Variants in NEFH observed in about 807,000 individuals in gnomAD.
NEFH encodes the protein neurofilament heavy polypeptide.
NEFH carries 58 observed loss-of-function variants against 56.6 expected under a neutral mutation model. That is an observed-to-expected ratio of 1.03 (90% CI 0.83 to 1.28). NEFH has a LOEUF of 1.28. Ranked by LOEUF, NEFH falls within the 50% of genes most tolerant of loss-of-function variation. The pLI is 0.00. For synonymous variants in NEFH, 542 were observed against 545.8 expected (o/e 0.99, Z 0.10); for missense variants, 1,221 against 1,307.6 (o/e 0.93, Z 1.02).
chr22:29,483,929 A>G (rs112922272), intron 2 of NEFH, among the ~76,000 whole-genome samples: 65 of 152,042 alleles, frequency 4.3e-4, no homozygotes, highest in African/African-American at 1.5e-3. Context: ...AGCTCACTGC[A>G]ACCTCTGCCT....
intron 3 of NEFH, among the ~76,000 whole-genome samples, chr22:29,486,723 A>G (rs1353085937): frequency 1.3e-5 from 2 of 151,890 alleles, no homozygotes; most frequent in Non-Finnish European, 2.9e-5. Context: ...GGGTCTCGCT[A>G]TGTTGGCCAG....
At position 29,486,520 on chromosome 22, in the gene NEFH, T is replaced by A. The variant is rs1211780123; in HGVS notation, c.1208+673T>A. Among the ~76,000 whole-genome samples the A allele has an allele frequency of 1.0e-4, 4 of 39,568 alleles. No individual in the cohort carries two copies. In the East Asian group the frequency reaches 2.9e-3, roughly 28 times the overall value. The allele number at this position is 39,568 out of a possible 152,430, so 26.0% of individuals were successfully genotyped here. A position where few individuals can be genotyped will look rare whatever the true frequency, so the allele number is the denominator to read the frequency against. On this transcript the variant is annotated intron_variant, in intron 3 of 3. Coordinates refer to ENST00000310624, the MANE Select transcript of NEFH (RefSeq NM_021076.4). ...TCTTTTACTCTGAGAGACATGAGTCTTTTTTTTTTTTTTTTTTTTTGAGAT... is the reference window on the plus strand; with the variant it reads ...TCTTTTACTCTGAGAGACATGAGTCATTTTTTTTTTTTTTTTTTTTGAGAT...
At chr22:29,483,329 C>T in intron 1 of NEFH, 46 bp from the exon 2 acceptor site, 2 of 1,559,686 alleles carry the variant, frequency 1.3e-6, no homozygotes, top group South Asian at 2.3e-5. Flanking sequence ...CATTAGAACC[C>T]AGTCCAGGTG....
chr22:29,480,831 G>C lies in NEFH; in HGVS notation c.569G>C (p.Arg190Pro), dbSNP rs1000283807. The change falls in exon 1 of 4, where the codon CGG (arginine) becomes CCG (proline). Residue 190 changes from arginine (R) to proline (P), a missense_variant. Arg to Pro is a moderately radical substitution (Grantham distance 103). This residue lies in a region of NEFH where 640 missense variants were observed against 555.5 expected (regional missense o/e 1.15). Transcript: ENST00000310624. ...HVRQRLDDEA[R>P]QREEAEAAAR... ...CGCCAGCGCCTAGACGACGAGGCCC[G>C]GCAGCGAGAGGAGGCCGAGGCGGCG... The C allele has an allele frequency of 1.4e-6, 2 of 1,392,844 alleles. No homozygotes were observed. Among genetic ancestry groups the C allele is most frequent in the Non-Finnish European group, 9.2e-7 (1 of 1,085,446 alleles). 86.3% of individuals were successfully genotyped at this position (1,392,844 alleles called of 1,614,324 possible).
rs140814097 is a variant in NEFH at position 29,483,827 on chromosome 22, T to TTTTATTTA, written c.1083+285_1083+292dup. Among the ~76,000 whole-genome samples, 9,879 of 136,424 alleles carry TTTTATTTA rather than the reference T, an allele frequency of 0.072. 437 individuals carry two copies. The highest frequency in any genetic ancestry group is 0.1 in the African/African-American group (3,626 of 36,084). The allele number at this position is 136,424 out of a possible 152,430, so 89.5% of individuals were successfully genotyped here. On this transcript the variant is annotated intron_variant, in intron 2 of 3. Transcript: ENST00000310624. ...AGCTGGAAAGATTAAAGAGATAGACTTTTATTTATTTATTTATTTATTTAT... is the reference window on the plus strand; with the variant it reads ...AGCTGGAAAGATTAAAGAGATAGACTTTTATTTATTTATTTATTTATTTATTTATTTAT...
rs1569194313 is a variant in NEFH at position 29,480,711 on chromosome 22, T to G, written c.449T>G (p.Val150Gly). Residue 150 changes from valine (V) to glycine (G), a missense_variant, in exon 1 of 4, where the codon GTC becomes GGC. Coordinates refer to ENST00000310624, the MANE Select transcript of NEFH (RefSeq NM_021076.4). ...ATGGGCGAGCTGTACGAGCGCGAGG[T>G]CCGCGAGATGCGCGGCGCGGTGCTG... ...SAMGELYERE[V>G]REMRGAVLRL... 2.0e-6 allele frequency: 3 copies of G among 1,517,182 alleles called. No homozygotes were observed. The highest frequency in any genetic ancestry group is 2.6e-6 in the Non-Finnish European group (3 of 1,140,966). 94.0% of individuals were successfully genotyped at this position (1,517,182 alleles called of 1,614,324 possible).
chr22:29,480,276 G>C lies in NEFH; in HGVS notation c.14G>C (p.Gly5Ala), dbSNP rs1036422771. MMSF[G>A]GADALLGAPF... ...CCTGCTCAGGCCATGATGAGCTTCG[G>C]CGGCGCGGACGCGCTGCTGGGCGCC... Residue 5 changes from glycine to alanine, a missense_variant, in exon 1 of 4, where the codon GGC becomes GCC. Physicochemically the swap from Gly to Ala is moderately conservative, Grantham distance 60. Coordinates refer to ENST00000310624, the MANE Select transcript of NEFH (RefSeq NM_021076.4). 1.5e-5 allele frequency: 23 copies of C among 1,510,368 alleles called. No homozygotes were observed. The African/African-American group carries it at 2.9e-4, about 19-fold the overall frequency. 93.6% of individuals were successfully genotyped at this position (1,510,368 alleles called of 1,614,324 possible). A position where few individuals can be genotyped will look rare whatever the true frequency, so the allele number is the denominator to read the frequency against.
Position 29,480,605 on chromosome 22 carries a change from G to A in NEFH, c.343G>A (p.Val115Met). The A allele has an allele frequency of 1.3e-6, 2 of 1,563,904 alleles. No individual in the cohort carries two copies. Among genetic ancestry groups the A allele is most frequent in the Non-Finnish European group, 1.7e-6 (2 of 1,164,170 alleles). Reference sequence around the variant, plus strand: ...CCGCTTCGCCGGGTACATCGACAAGGTGCGGCAGCTGGAGGCGCACAACCG... The same window carrying A: ...CCGCTTCGCCGGGTACATCGACAAGATGCGGCAGCTGGAGGCGCACAACCG... The part of the protein sequence containing the change: ...NDRFAGYIDK[V>M]RQLEAHNRSL... The change falls in exon 1 of 4, where the codon GTG becomes ATG. Residue 115 changes from valine (V) to methionine (M), a missense_variant. Val to Met is a conservative substitution (Grantham distance 21, BLOSUM62 1). Transcript: ENST00000310624.
intron 1 of NEFH, among the ~76,000 whole-genome samples, chr22:29,481,763 C>T (rs2063012327): frequency 6.6e-6 from 1 of 152,178 alleles, no homozygotes; most frequent in Non-Finnish European, 1.5e-5. Flanking sequence ...CTGGTGGGCC[C>T]TTTCATGTTT....
rs1056259757 is a variant in NEFH at position 29,481,075 on chromosome 22, G to A, written c.813G>A (p.Leu271=). 2 of 1,532,234 alleles carry A rather than the reference G, an allele frequency of 1.3e-6. No individual in the cohort carries two copies. The highest frequency in any genetic ancestry group is 3.9e-5 in the Admixed American group (2 of 50,928). 94.9% of individuals were successfully genotyped at this position (1,532,234 alleles called of 1,614,324 possible). ...TGAAGTGCGACGTGACGTCGGCGCT[G>A]CGCGAGATTCGCGCGCAGCTTGAAG... The part of the protein sequence containing the change: ...DALKCDVTSA[L]REIRAQLEGH... Residue 271 remains leucine (L), a synonymous_variant, in exon 1 of 4, where the codon CTG becomes CTA. Coordinates refer to ENST00000310624, the MANE Select transcript of NEFH (RefSeq NM_021076.4).
Position 29,489,678 on chromosome 22 carries a change from G to A in NEFH, c.2038G>A (p.Ala680Thr), listed in dbSNP as rs1211744285. The change falls in exon 4 of 4, where the codon GCC becomes ACC. Residue 680 changes from alanine (A) to threonine (T), a missense_variant. Around this residue, in one of 4 missense-constraint regions of NEFH, gnomAD observed 37 missense variants for 106.4 expected, o/e 0.35. Transcript: ENST00000310624. ...VKAEAKSPEK[A>T]KSPVKAEAKS... is the part of the protein sequence containing the mutation. ...GGCAGAAGCAAAGTCCCCTGAGAAG[G>A]CCAAGTCCCCAGTGAAGGCAGAAGC... 2 of 1,612,424 alleles carry A rather than the reference G, an allele frequency of 1.2e-6. No individual in the cohort carries two copies. The highest frequency in any genetic ancestry group is 1.3e-5 in the African/African-American group (1 of 74,422).
At position 29,490,498 on chromosome 22, in the gene NEFH, A is replaced by AG. The variant is rs2063074831; in HGVS notation, c.2859dup (p.Lys954GlufsTer13). ...GCAGAGAAGAAGGAGGCAGCACCGG[A>AG]GAAAAAAGACACCAAGGAGGAGAAG... On this transcript the variant is annotated frameshift_variant, in exon 4 of 4. Transcript: ENST00000310624. LOFTEE classifies it high-confidence loss of function. The AG allele has an allele frequency of 6.3e-7, 1 of 1,589,282 alleles. No homozygotes were observed. The highest frequency in any genetic ancestry group is 8.5e-7 in the Non-Finnish European group (1 of 1,173,230).
rs375183611 is a variant in NEFH at position 29,480,574 on chromosome 22, G to A, written c.312G>A (p.Leu104=). 2.9e-4 allele frequency: 447 copies of A among 1,550,524 alleles called. 1 individual carries two copies. In the African/African-American group the frequency reaches 5.4e-3, roughly 19 times the overall value. ...GTGAGAAGGAGCAGCTGCAGGCGCT[G>A]AACGACCGCTTCGCCGGGTACATCG... ...SRSEKEQLQA[L]NDRFAGYIDK... The change falls in exon 1 of 4, where the codon CTG becomes CTA. Residue 104 remains leucine, a synonymous_variant. Coordinates refer to ENST00000310624, the MANE Select transcript of NEFH (RefSeq NM_021076.4).
chr22:29,486,043 C>T (rs1376918859), intron 3 of NEFH, among the ~76,000 whole-genome samples, 196 bp downstream of exon 3: 1 of 152,142 alleles, frequency 6.6e-6, no homozygotes, highest in Non-Finnish European at 1.5e-5. Flanking sequence ...TTTTTTGAGA[C>T]AGACTTACTG....
chr22:29,487,665 C>T (rs1240509416), intron 3 of NEFH, among the ~76,000 whole-genome samples: 1 of 152,108 alleles, frequency 6.6e-6, no homozygotes, highest in Non-Finnish European at 1.5e-5. Flanking sequence ...CAACAAAAGA[C>T]AGACGCTCAG....
Position 29,489,592 on chromosome 22 carries a change from A to AGGCCAAGTCCCCTGAGAG in NEFH, c.1964_1965insTGAGAGGGCCAAGTCCCC (p.Glu656_Lys657insArgAlaLysSerProGlu). 2 of 1,483,370 alleles carry AGGCCAAGTCCCCTGAGAG rather than the reference A, an allele frequency of 1.3e-6. No individual in the cohort carries two copies. Among genetic ancestry groups the AGGCCAAGTCCCCTGAGAG allele is most frequent in the Non-Finnish European group, 1.8e-6 (2 of 1,107,268 alleles). 91.9% of individuals were successfully genotyped at this position (1,483,370 alleles called of 1,614,324 possible). On this transcript the variant is annotated inframe_insertion, in exon 4 of 4. Coordinates refer to ENST00000310624, the MANE Select transcript of NEFH (RefSeq NM_021076.4). Reference sequence around the variant, plus strand: ...AAGGAGGAAGCAAAGTCCCCTGAGAAGGCCAAGTCCCCAGAGAAGGAAGAG... The same window carrying AGGCCAAGTCCCCTGAGAG: ...AAGGAGGAAGCAAAGTCCCCTGAGAAGGCCAAGTCCCCTGAGAGGGCCAAGTCCCCAGAGAAGGAAGAG...
chr22:29,480,901 C>T lies in NEFH; in HGVS notation c.639C>T (p.Arg213=). 6.7e-7 allele frequency: 1 copy of T among 1,486,512 alleles called. No homozygotes were observed. The highest frequency in any genetic ancestry group is 8.9e-7 in the Non-Finnish European group (1 of 1,127,980). The allele number at this position is 1,486,512 out of a possible 1,614,324, so 92.1% of individuals were successfully genotyped here. A position where few individuals can be genotyped will look rare whatever the true frequency, so the allele number is the denominator to read the frequency against. Reference sequence around the variant, plus strand: ...TCGCGCAGGAGGCCGAGGCGGCGCGCGTGGACCTGCAGAAGAAGGCGCAGG... The same window carrying T: ...TCGCGCAGGAGGCCGAGGCGGCGCGTGTGGACCTGCAGAAGAAGGCGCAGG... ...ARFAQEAEAA[R]VDLQKKAQAL... The change falls in exon 1 of 4, where the codon CGC becomes CGT. Residue 213 remains arginine (R), a synonymous_variant. Coordinates refer to ENST00000310624, the MANE Select transcript of NEFH (RefSeq NM_021076.4).
rs750343253 is a variant in NEFH at position 29,480,569 on chromosome 22, G to A, written c.307G>A (p.Ala103Thr). 12 of 1,547,134 alleles carry A rather than the reference G, an allele frequency of 7.8e-6. No homozygotes were observed. The highest frequency in any genetic ancestry group is 1.9e-5 in the Admixed American group (1 of 51,836). ...TSRSEKEQLQALNDRFAGYID... is the reference protein window; with the variant it reads ...TSRSEKEQLQTLNDRFAGYID... Reference sequence around the variant, plus strand: ...ACGCAGTGAGAAGGAGCAGCTGCAGGCGCTGAACGACCGCTTCGCCGGGTA... The same window carrying A: ...ACGCAGTGAGAAGGAGCAGCTGCAGACGCTGAACGACCGCTTCGCCGGGTA... The change falls in exon 1 of 4, where the codon GCG becomes ACG. Residue 103 changes from alanine (A) to threonine (T), a missense_variant. Transcript: ENST00000310624.
In NEFH at chr22:29,490,948, A is replaced by AC; in HGVS notation, c.*245_*246insC. On this transcript the variant is annotated 3_prime_UTR_variant, in exon 4 of 4. Coordinates refer to ENST00000310624, the MANE Select transcript of NEFH (RefSeq NM_021076.4). Reference sequence around the variant, plus strand: ...ACAATTATGATAGCTTATGTAGCTGAATGTGATACATGCCGAATGCCACAC... The same window carrying AC: ...ACAATTATGATAGCTTATGTAGCTGACATGTGATACATGCCGAATGCCACAC... 1 of 654,952 alleles carries AC rather than the reference A, an allele frequency of 1.5e-6. No homozygotes were observed. The highest frequency in any genetic ancestry group is 2.6e-6 in the Non-Finnish European group (1 of 390,746). The allele number at this position is 654,952 out of a possible 1,614,324, so 40.6% of individuals were successfully genotyped here.
Sources: allele counts gnomAD v4.1 joint callset (sites outside exome capture counted in the v4.1 genomes callset), GRCh38; gene constraint gnomAD v4.1.1; regional missense constraint gnomAD v4.1.1; transcripts MANE v1.5; gene names NCBI Gene and HGNC (gene_info 2026-07-23, HGNC 2026-07-21).